Variants in IRAG1 observed in about 807,000 individuals in gnomAD.
IRAG1 encodes the protein IP3R-associated cGMP kinase substrate.
In IRAG1, 62 loss-of-function variants were observed where a neutral mutation model predicts 106.2. The observed-to-expected ratio is 0.58, with a 90% CI of 0.48 to 0.72. The LOEUF (loss-of-function observed/expected upper bound fraction) is 0.72. IRAG1 is among the 30% of genes least tolerant of loss of function. The pLI is 0.00. For missense variants in IRAG1, 1,064 were observed against 1,140.7 expected, an observed-to-expected ratio of 0.93 and a Z score of 0.97; for synonymous variants, 462 against 443.9, an observed-to-expected ratio of 1.04 and a Z score of -0.51.
intron 3 of IRAG1, among the ~76,000 whole-genome samples, chr11:10,633,223 C>T (rs146076636): frequency 1.5e-3 from 221 of 151,918 alleles, no homozygotes; most frequent in East Asian, 8.5e-3. Context: ...TACAGGCGCC[C>T]GCCACCACAC....
In IRAG1 at chr11:10,604,522, C is replaced by G; in HGVS notation, c.1626G>C (p.Leu542Phe). The change falls in exon 13 of 21, where the codon TTG becomes TTC. Residue 542 changes from leucine (L) to phenylalanine (F), a missense_variant. Coordinates refer to ENST00000423302, the MANE Select transcript of IRAG1 (RefSeq NM_130385.4). ...GAGTGTAGCTGTCATTTCTAAAGGC[C>G]AAGGACAGTTGCACAAACACGTTCT... ...EVENVFVQLS[L>F]AFRNDSYTLE... The G allele has an allele frequency of 6.2e-7, 1 of 1,613,978 alleles. No homozygotes were observed. Among genetic ancestry groups the G allele is most frequent in the Non-Finnish European group, 8.5e-7 (1 of 1,179,882 alleles).
Position 10,606,308 on chromosome 11 carries a change from C to T in IRAG1, c.1602+434G>A, listed in dbSNP as rs976686339. 3.9e-5 allele frequency among the ~76,000 whole-genome samples: 6 copies of T among 152,330 alleles called. No individual in the cohort carries two copies. The East Asian group carries it at 9.6e-4, about 24-fold the overall frequency. Reference sequence around the variant, plus strand: ...TGCTGACAGCACAGCTTCCCGGCTCCGCTGAGCTGGCATTCTTGTAGCTGA... The same window carrying T: ...TGCTGACAGCACAGCTTCCCGGCTCTGCTGAGCTGGCATTCTTGTAGCTGA... On this transcript the variant is annotated intron_variant, in intron 12 of 20. Transcript: ENST00000423302.
rs35135063 is a variant in IRAG1 at position 10,652,057 on chromosome 11, C to G, written c.193G>C (p.Glu65Gln). 2.3e-3 allele frequency: 3,727 copies of G among 1,589,840 alleles called. 6 individuals are homozygous for G. The highest frequency in any genetic ancestry group is 2.9e-3 in the Non-Finnish European group (3,398 of 1,169,030). ...GCAGGGCTCTGGGCTGCCTGTGGCT[C>G]TCCGGGGGGCTCCTCGTCCTCGGGA... ...HIPEDEEPPG[E>Q]PQAAQSPAGQ... The change falls in exon 2 of 21, where the codon GAG becomes CAG. Residue 65 changes from glutamate (E) to glutamine (Q), a missense_variant. Glu to Gln is a conservative substitution (Grantham distance 29). Coordinates refer to ENST00000423302, the MANE Select transcript of IRAG1 (RefSeq NM_130385.4).
chr11:10,610,442 C>G (rs976708038), intron 10 of IRAG1, among the ~76,000 whole-genome samples: 22 of 152,182 alleles, frequency 1.4e-4, no homozygotes, highest in Non-Finnish European at 3.2e-4. Context: ...TTTTAAACTT[C>G]TAAAACTATC....
intron 1 of IRAG1, among the ~76,000 whole-genome samples, chr11:10,668,023 C>G (rs79801174): frequency 0.023 from 3,451 of 152,254 alleles, 145 homozygotes; most frequent in African/African-American, 0.079. Context: ...GCACCCCAGC[C>G]TCACCTAATG....
chr11:10,588,932 T>A (rs1165718022), intron 18 of IRAG1: 1 of 152,212 alleles, frequency 6.6e-6, no homozygotes, highest in African/African-American at 2.4e-5. Flanking sequence ...CATTTCTACT[T>A]GTGGAACTGC....
At chr11:10,601,226 C>G (rs1015424980) in intron 14 of IRAG1, among the ~76,000 whole-genome samples, 167 bp from the exon 15 acceptor site, 1 of 152,234 alleles carries the variant, frequency 6.6e-6, no homozygotes, top group Admixed American at 6.5e-5. Context: ...GAGGTGGACT[C>G]AGCACCTGCG....
At chr11:10,641,995 T>C (rs1395941870) in intron 2 of IRAG1, among the ~76,000 whole-genome samples, 3 of 152,164 alleles carry the variant, frequency 2.0e-5, no homozygotes, top group Non-Finnish European at 2.9e-5. Flanking sequence ...TCTGACACTC[T>C]TATTCTTCCA....
intron 1 of IRAG1, among the ~76,000 whole-genome samples, chr11:10,691,929 A>C (rs994504904): frequency 6.6e-6 from 1 of 152,196 alleles, no homozygotes; most frequent in African/African-American, 2.4e-5. Flanking sequence ...CAGGGTGGAA[A>C]GAATGACCCC....
intron 1 of IRAG1, among the ~76,000 whole-genome samples, chr11:10,675,306 A>C (rs1860566545): frequency 6.6e-6 from 1 of 152,198 alleles, no homozygotes; most frequent in Admixed American, 6.5e-5. Context: ...GCCACCGTTA[A>C]GCTCTCCTGG....
intron 1 of IRAG1, among the ~76,000 whole-genome samples, chr11:10,664,002 G>C (rs934585222): frequency 6.6e-6 from 1 of 152,232 alleles, no homozygotes; most frequent in Non-Finnish European, 1.5e-5. Flanking sequence ...TCCTTAGAGA[G>C]AGCTTATTCC....
At chr11:10,667,950 T>A (rs1416692660) in intron 1 of IRAG1, among the ~76,000 whole-genome samples, 28 of 152,206 alleles carry the variant, frequency 1.8e-4, no homozygotes, top group Admixed American at 1.8e-3. Context: ...CATGCAAAAC[T>A]TTCTGCTCTG....
intron 1 of IRAG1, among the ~76,000 whole-genome samples, chr11:10,691,664 C>T (rs1299153185): frequency 6.6e-6 from 1 of 152,148 alleles, no homozygotes; most frequent in Non-Finnish European, 1.5e-5. Flanking sequence ...CCCCACTGTC[C>T]TCACCTGGAG....
intron 1 of IRAG1, among the ~76,000 whole-genome samples, chr11:10,682,832 T>G (rs756449916): frequency 3.3e-5 from 5 of 152,230 alleles, no homozygotes; most frequent in Non-Finnish European, 4.4e-5. Context: ...GAGGGATGGC[T>G]TCCCCATGAC....
intron 10 of IRAG1, among the ~76,000 whole-genome samples, chr11:10,621,363 T>C (rs981894270): frequency 2.0e-5 from 3 of 152,168 alleles, no homozygotes; most frequent in African/African-American, 7.2e-5. Context: ...CAAGAATCCA[T>C]AGGGCTCTTA....
intron 1 of IRAG1, among the ~76,000 whole-genome samples, chr11:10,669,320 G>A (rs1416902082): frequency 6.6e-6 from 1 of 152,038 alleles, no homozygotes; most frequent in Admixed American, 6.6e-5. Context: ...CGCCTCTCTG[G>A]GCCTAGCTTT....
chr11:10,649,779 T>C (rs1858311733), intron 2 of IRAG1, among the ~76,000 whole-genome samples: 1 of 151,934 alleles, frequency 6.6e-6, no homozygotes, highest in Non-Finnish European at 1.5e-5. Context: ...AAGTTGAGAG[T>C]AAGCGATCCC....
intron 1 of IRAG1, among the ~76,000 whole-genome samples, chr11:10,667,139 TC>T (rs1432247940): frequency 1.4e-5 from 2 of 139,246 alleles, no homozygotes; most frequent in African/African-American, 5.1e-5. Context: ...GTTTTTTTTT[TC>T]GTTTTTTTGT....
In IRAG1 at chr11:10,659,257, GGTAA is replaced by G. The variant is rs1357834270; in HGVS notation, c.68-7079_68-7076del. ...GTATTTGTGCTGTGCTGAACAAGTG[GGTAA>G]GTGAGTGACTGAAGGGGGTACAGCC... On this transcript the variant is annotated intron_variant, in intron 1 of 20. Transcript: ENST00000423302. This position sits in a 1 kb window ranked among gnomAD's most constrained non-coding sequence, Gnocchi z 4.1. 6.6e-6 allele frequency among the ~76,000 whole-genome samples: 1 copy of G among 152,238 alleles called. No individual in the cohort carries two copies. The highest frequency in any genetic ancestry group is 2.1e-4 in the South Asian group (1 of 4,828).
Sources: gnomAD v4.1 joint callset for allele counts (sites outside exome capture counted in the v4.1 genomes callset) on GRCh38, gnomAD v4.1.1 for gene constraint, Gnocchi (gnomAD v3.1) non-coding constraint, MANE v1.5 for transcripts, NCBI Gene and HGNC (gene_info 2026-07-23, HGNC 2026-07-21) for gene names.